LRRC7: variants seen among roughly 807,000 people sequenced by gnomAD.
LRRC7 encodes leucine-rich repeat-containing protein 7.
LRRC7 carries 23 observed loss-of-function variants against 175.7 expected under a neutral mutation model. That is an observed-to-expected ratio of 0.13 (90% CI 0.09 to 0.19). LRRC7 has a LOEUF of 0.19. Ranked by LOEUF, LRRC7 falls within the 10% of genes least tolerant of loss-of-function variation. LRRC7 has a pLI of 1.00. For synonymous variants in LRRC7, 685 were observed against 680.9 expected, an observed-to-expected ratio of 1.01 and a Z score of -0.09; for missense variants, 1,354 against 1,904.7, an observed-to-expected ratio of 0.71 and a Z score of 5.38.
At chr1:69,850,836 A>G (rs1051192091) in intron 7 of LRRC7, among the ~76,000 whole-genome samples, 3 of 152,178 alleles carry the variant, frequency 2.0e-5, no homozygotes, top group Non-Finnish European at 4.4e-5. Flanking sequence ...GGCTAGATAC[A>G]TAAATCATCT....
chr1:69,742,637 C>A (rs911093126), intron 2 of LRRC7, among the ~76,000 whole-genome samples: 1 of 151,778 alleles, frequency 6.6e-6, no homozygotes, highest in Non-Finnish European at 1.5e-5. Context: ...ATAATGTTTA[C>A]TAAATTTTGC....
intron 24 of LRRC7, among the ~76,000 whole-genome samples, chr1:70,083,379 C>T (rs1450267926): frequency 1.3e-5 from 2 of 152,094 alleles, no homozygotes; most frequent in Non-Finnish European, 2.9e-5. Flanking sequence ...TATTGCATAG[C>T]ACTCTTTATC....
intron 2 of LRRC7, among the ~76,000 whole-genome samples, chr1:69,722,855 A>T (rs1666513767): frequency 1.3e-5 from 2 of 152,102 alleles, no homozygotes; most frequent in Non-Finnish European, 2.9e-5. Flanking sequence ...CATATATGGT[A>T]TACACCATAC....
chr1:69,815,373 G>C (rs1476100249), intron 4 of LRRC7, among the ~76,000 whole-genome samples: 1 of 152,150 alleles, frequency 6.6e-6, no homozygotes, highest in Non-Finnish European at 1.5e-5. Context: ...TTTCAGCTCA[G>C]TTAAGTTTAA....
At chr1:69,593,666 C>A (rs1391150365) in intron 1 of LRRC7, among the ~76,000 whole-genome samples, 2 of 152,086 alleles carry the variant, frequency 1.3e-5, no homozygotes, top group Non-Finnish European at 2.9e-5. Flanking sequence ...GTTTTCATTT[C>A]TCATTCAGTA....
At chr1:69,987,379 A>AT (rs1236359015) in intron 10 of LRRC7, among the ~76,000 whole-genome samples, 1 of 152,206 alleles carries the variant, frequency 6.6e-6, no homozygotes, top group African/African-American at 2.4e-5. Context: ...TAATCATTAA[A>AT]TTACTTAACT....
intron 23 of LRRC7, among the ~76,000 whole-genome samples, chr1:70,059,189 T>C (rs1661384983): frequency 6.6e-6 from 1 of 152,200 alleles, no homozygotes; most frequent in Non-Finnish European, 1.5e-5. Flanking sequence ...CCACCCTGAG[T>C]GTCTGTTCCC....
At chr1:69,786,202 C>T (rs1344755856) in intron 3 of LRRC7, among the ~76,000 whole-genome samples, 2 of 152,142 alleles carry the variant, frequency 1.3e-5, no homozygotes, top group Admixed American at 1.3e-4. Context: ...TGGGGCAATA[C>T]TAACACAGGA....
chr1:70,069,128 A>G (rs897369350), intron 23 of LRRC7, among the ~76,000 whole-genome samples: 10 of 152,178 alleles, frequency 6.6e-5, no homozygotes, highest in Non-Finnish European at 1.5e-5. Context: ...GTGTGTCTGT[A>G]TTAGTGCATT....
intron 2 of LRRC7, among the ~76,000 whole-genome samples, chr1:69,714,827 T>C (rs1665165416): frequency 6.6e-6 from 1 of 152,178 alleles, no homozygotes; most frequent in South Asian, 2.1e-4. Flanking sequence ...AGGAGCATTT[T>C]TATCACGTTA....
At position 69,920,728 on chromosome 1, in the gene LRRC7, A is replaced by C. The variant is rs78415977; in HGVS notation, c.648-10779A>C. 4.8e-3 allele frequency among the ~76,000 whole-genome samples: 727 copies of C among 152,272 alleles called. 10 individuals carry two copies. Among genetic ancestry groups the C allele is most frequent in the African/African-American group, 0.016 (672 of 41,554 alleles). ...CTCATTATGGTTCTCACTAGAATACATGTTGCCTAGAACTATACAGTCAAG... is the reference window on the plus strand; with the variant it reads ...CTCATTATGGTTCTCACTAGAATACCTGTTGCCTAGAACTATACAGTCAAG... On this transcript the variant is annotated intron_variant, in intron 7 of 26. Transcript: ENST00000651989.
intron 9 of LRRC7, among the ~76,000 whole-genome samples, chr1:69,984,655 A>G (rs969711828): frequency 1.3e-5 from 2 of 152,258 alleles, no homozygotes; most frequent in Admixed American, 1.3e-4. Flanking sequence ...TAATCCAATC[A>G]TTCCACTTCT....
intron 2 of LRRC7, among the ~76,000 whole-genome samples, chr1:69,705,713 C>A (rs1557625185): frequency 6.6e-6 from 1 of 152,020 alleles, no homozygotes; most frequent in African/African-American, 2.4e-5. Context: ...TACAGGAGGC[C>A]ATTTCAGCAG....
intron 9 of LRRC7, among the ~76,000 whole-genome samples, chr1:69,985,754 A>G (rs1041693261): frequency 1.3e-5 from 2 of 152,226 alleles, no homozygotes; most frequent in African/African-American, 4.8e-5. Flanking sequence ...TGTGACTGGC[A>G]TCTGTTACTT....
chr1:69,935,519 C>G (rs1417926301), intron 8 of LRRC7, among the ~76,000 whole-genome samples: 1 of 152,012 alleles, frequency 6.6e-6, no homozygotes, highest in East Asian at 1.9e-4. Flanking sequence ...AGAAAGACTG[C>G]CAAATAATGG....
intron 4 of LRRC7, among the ~76,000 whole-genome samples, chr1:69,798,411 C>T (rs1033501566): frequency 1.3e-5 from 2 of 152,110 alleles, no homozygotes; most frequent in African/African-American, 4.8e-5. Context: ...GGCCTCTGAC[C>T]TGACTAAATT....
rs1666467352 is a variant in LRRC7 at position 70,126,650 on chromosome 1, A to T, written c.*4763A>T. ...GAATACATTATAGCAAGAAAACAGA[A>T]TGTGGGCTGTGGACAAATAGATGTG... On this transcript the variant is annotated 3_prime_UTR_variant, in exon 27 of 27. Coordinates refer to ENST00000651989, the MANE Select transcript of LRRC7 (RefSeq NM_001370785.2). Among the ~76,000 whole-genome samples the T allele has an allele frequency of 6.6e-6, 1 of 152,190 alleles. No individual in the cohort carries two copies. The highest frequency in any genetic ancestry group is 2.1e-4 in the South Asian group (1 of 4,830).
In LRRC7 at chr1:70,130,601, C is replaced by A. The variant is rs565691661; in HGVS notation, c.*8714C>A. Reference sequence around the variant, plus strand: ...ACATTTAATTTTCCTTTTGTGTGTTCTAAGGACCTTAACACTATCCAAAAA... The same window carrying A: ...ACATTTAATTTTCCTTTTGTGTGTTATAAGGACCTTAACACTATCCAAAAA... On this transcript the variant is annotated 3_prime_UTR_variant, in exon 27 of 27. Coordinates refer to ENST00000651989, the MANE Select transcript of LRRC7 (RefSeq NM_001370785.2). Among the ~76,000 whole-genome samples the A allele has an allele frequency of 6.6e-6, 1 of 152,246 alleles. No individual in the cohort carries two copies. The highest frequency in any genetic ancestry group is 6.5e-5 in the Admixed American group (1 of 15,292).
At chr1:69,621,317 G>A (rs186004798) in intron 1 of LRRC7, among the ~76,000 whole-genome samples, 6 of 152,004 alleles carry the variant, frequency 3.9e-5, no homozygotes, top group Non-Finnish European at 8.8e-5. Context: ...AAGTGCTGGG[G>A]TAATAGGAGT....
Sources: allele counts gnomAD v4.1 joint callset (sites outside exome capture counted in the v4.1 genomes callset), GRCh38; gene constraint gnomAD v4.1.1; transcripts MANE v1.5; gene names NCBI Gene and HGNC (gene_info 2026-07-23, HGNC 2026-07-21).